Variants in NIP7 observed in about 807,000 individuals in gnomAD.
The protein encoded by NIP7 is 60S ribosome subunit biogenesis protein NIP7 homolog.
NIP7 carries 12 observed loss-of-function variants against 20.1 expected under a neutral mutation model. That is an observed-to-expected ratio of 0.60 (90% CI 0.38 to 0.97). The LOEUF (loss-of-function observed/expected upper bound fraction) is 0.97, where lower values mean the gene tolerates loss of function less well. Ranked by LOEUF, NIP7 falls within the 50% of genes least tolerant of loss-of-function variation. The pLI is 0.00. For missense variants in NIP7, 226 were observed against 226.6 expected (o/e 1.00, Z 0.02); for synonymous variants, 103 against 87.2 (o/e 1.18, Z -1.01).
Position 69,340,437 on chromosome 16 carries a change from G to A in NIP7, c.282+105G>A, listed in dbSNP as rs551720585. Reference sequence around the variant, plus strand: ...AGAGTCCCTGACAGTGTGCTTGGAGGAGTTTCAGCACATGGAGATGTGTAG... The same window carrying A: ...AGAGTCCCTGACAGTGTGCTTGGAGAAGTTTCAGCACATGGAGATGTGTAG... On this transcript the variant is annotated intron_variant, in intron 3 of 4. Coordinates refer to ENST00000254940, the MANE Select transcript of NIP7 (RefSeq NM_016101.5). The A allele has an allele frequency of 3.9e-5, 54 of 1,400,398 alleles. 1 individual carries two copies. The South Asian group carries it at 6.6e-4, about 17-fold the overall frequency. The allele number at this position is 1,400,398 out of a possible 1,614,324, so 86.7% of individuals were successfully genotyped here.
rs1261305390 is a variant in NIP7 at position 69,342,274 on chromosome 16, TAGAA to T, written c.*625_*628del. On this transcript the variant is annotated 3_prime_UTR_variant, in exon 5 of 5. Coordinates refer to ENST00000254940, the MANE Select transcript of NIP7 (RefSeq NM_016101.5). ...CAGCTTTGGCCATCTACCTGAGAAT[TAGAA>T]AGTCTGATTTTTGGAATTAGAAATC... 3.3e-5 allele frequency: 5 copies of T among 152,180 alleles called. No homozygotes were observed. Among genetic ancestry groups the T allele is most frequent in the Non-Finnish European group, 5.9e-5 (4 of 68,050 alleles). The allele number at this position is 152,180 out of a possible 1,614,324, so 9.4% of individuals were successfully genotyped here. A position where few individuals can be genotyped will look rare whatever the true frequency, so the allele number is the denominator to read the frequency against.
chr16:69,341,145 G>T (rs780790236), intron 3 of NIP7, 35 bp from the exon 4 acceptor site: 1 of 1,588,198 alleles, frequency 6.3e-7, no homozygotes, highest in Non-Finnish European at 8.6e-7. Flanking sequence ...AAATAGTAAC[G>T]TTTTTATGTC....
At chr16:69,341,393 C>A in intron 4 of NIP7, 73 bp downstream of exon 4, 1 of 1,573,090 alleles carries the variant, frequency 6.4e-7, no homozygotes, top group Non-Finnish European at 8.7e-7. Flanking sequence ...AATCTGAGTG[C>A]TTGAGAGAAT....
Position 69,341,698 on chromosome 16 carries a change from T to A in NIP7, c.*46T>A, listed in dbSNP as rs769019429. ...AGACGGCTGTATGGAAAGGCCGAGCTTTGTTTCCTGTGTTTGTGTGGACTC... is the reference window on the plus strand; with the variant it reads ...AGACGGCTGTATGGAAAGGCCGAGCATTGTTTCCTGTGTTTGTGTGGACTC... On this transcript the variant is annotated 3_prime_UTR_variant, in exon 5 of 5. Transcript: ENST00000254940. 6.2e-7 allele frequency: 1 copy of A among 1,609,194 alleles called. No homozygotes were observed. Among genetic ancestry groups the A allele is most frequent in the East Asian group, 2.2e-5 (1 of 44,822 alleles).
chr16:69,341,095 T>G lies in NIP7; in HGVS notation c.283-85T>G, dbSNP rs1361650322. On this transcript the variant is annotated intron_variant, in intron 3 of 4. Transcript: ENST00000254940. The stretch of plus-strand genomic sequence containing the variant: ...TTTCCCTTAAAATTATTTCAGAAAA[T>G]TATTCACAGATCCAGCAGCTAGCTT... The G allele has an allele frequency of 2.6e-6, 3 of 1,148,596 alleles. No individual in the cohort carries two copies. The African/African-American group carries it at 4.7e-5, about 18-fold the overall frequency. The allele number at this position is 1,148,596 out of a possible 1,614,324, so 71.2% of individuals were successfully genotyped here.
At position 69,340,099 on chromosome 16, in the gene NIP7, CG is replaced by C. The variant is rs745309017; in HGVS notation, c.143+11del. 2.5e-6 allele frequency: 4 copies of C among 1,613,188 alleles called. No homozygotes were observed. Among genetic ancestry groups the C allele is most frequent in the East Asian group, 2.2e-5 (1 of 44,886 alleles). ...ACCGGGTGTACTATGTGAGGTGAGG[CG>C]GGGCCGGGCAGGCAGCATGGACCCA... On this transcript the variant is annotated splice_region_variant and intron_variant, in intron 2 of 4. Transcript: ENST00000254940.
Position 69,342,963 on chromosome 16 carries a change from T to A in NIP7, c.*1311T>A, listed in dbSNP as rs1259009960. On this transcript the variant is annotated 3_prime_UTR_variant, in exon 5 of 5. Coordinates refer to ENST00000254940, the MANE Select transcript of NIP7 (RefSeq NM_016101.5). ...ACTTTAAGATCCTTAGAATATTTCT[T>A]TAAATATTTTATAGACAAAAAATTT... 6.5e-6 allele frequency: 1 copy of A among 154,188 alleles called. No individual in the cohort carries two copies. The highest frequency in any genetic ancestry group is 1.4e-5 in the Non-Finnish European group (1 of 69,430). The allele number at this position is 154,188 out of a possible 1,614,324, so 9.6% of individuals were successfully genotyped here. A position where few individuals can be genotyped will look rare whatever the true frequency, so the allele number is the denominator to read the frequency against.
In NIP7 at chr16:69,342,305, T is replaced by C. The variant is rs532075581; in HGVS notation, c.*653T>C. The C allele has an allele frequency of 6.6e-6, 1 of 152,288 alleles. No individual in the cohort carries two copies. Among genetic ancestry groups the C allele is most frequent in the South Asian group, 2.1e-4 (1 of 4,818 alleles). The allele number at this position is 152,288 out of a possible 1,614,324, so 9.4% of individuals were successfully genotyped here. A position where few individuals can be genotyped will look rare whatever the true frequency, so the allele number is the denominator to read the frequency against. On this transcript the variant is annotated 3_prime_UTR_variant, in exon 5 of 5. Transcript: ENST00000254940. ...GTCTGATTTTTGGAATTAGAAATCATGATTGTAGGCTGGGCACAGTGGCTC... is the reference window on the plus strand; with the variant it reads ...GTCTGATTTTTGGAATTAGAAATCACGATTGTAGGCTGGGCACAGTGGCTC...
chr16:69,343,083 A>C lies in NIP7; in HGVS notation c.*1431A>C, dbSNP rs1040344398. 6.2e-5 allele frequency: 13 copies of C among 211,154 alleles called. No individual in the cohort carries two copies. The highest frequency in any genetic ancestry group is 3.0e-4 in the African/African-American group (13 of 43,604). 13.1% of individuals were successfully genotyped at this position (211,154 alleles called of 1,614,324 possible). On this transcript the variant is annotated 3_prime_UTR_variant, in exon 5 of 5. Coordinates refer to ENST00000254940, the MANE Select transcript of NIP7 (RefSeq NM_016101.5). Reference sequence around the variant, plus strand: ...GTGAAGTCTTTAAGAATAAAACATTACCAACTCCTGCTTTTATATGTAAGC... The same window carrying C: ...GTGAAGTCTTTAAGAATAAAACATTCCCAACTCCTGCTTTTATATGTAAGC...
Position 69,341,320 on chromosome 16 carries a change from G to A in NIP7, c.423G>A (p.Leu141=). ...TGTACTCCATGGCAGACATCCCTTTGGTGAGTAGAGATGGTAGCTGTTACA... is the reference window on the plus strand; with the variant it reads ...TGTACTCCATGGCAGACATCCCTTTAGTGAGTAGAGATGGTAGCTGTTACA... ...VVVYSMADIP[L]GFGVAAKSTQ... is the part of the protein sequence containing the mutation. The change falls in exon 4 of 5, where the codon TTG becomes TTA. Residue 141 remains leucine, a splice_region_variant and synonymous_variant. Coordinates refer to ENST00000254940, the MANE Select transcript of NIP7 (RefSeq NM_016101.5). The A allele has an allele frequency of 6.2e-7, 1 of 1,613,726 alleles. No individual in the cohort carries two copies. Among genetic ancestry groups the A allele is most frequent in the Non-Finnish European group, 8.5e-7 (1 of 1,179,866 alleles).
At chr16:69,341,043 A>T (rs16958762) in intron 3 of NIP7, 137 bp from the exon 4 acceptor site, 2 of 737,036 alleles carry the variant, frequency 2.7e-6, no homozygotes, top group African/African-American at 1.8e-5. Flanking sequence ...GGAGATAGAC[A>T]GTTTGAGGAA....
rs145746516 is a variant in NIP7, at chr16:69,341,676, C to T, written c.*24C>T. 1.6e-4 allele frequency: 256 copies of T among 1,612,728 alleles called. No homozygotes were observed. The highest frequency in any genetic ancestry group is 3.3e-4 in the Middle Eastern group (2 of 6,050). ...AAAACGAAGCCATTCCAAGGACAGA[C>T]GGCTGTATGGAAAGGCCGAGCTTTG... On this transcript the variant is annotated 3_prime_UTR_variant, in exon 5 of 5. Coordinates refer to ENST00000254940, the MANE Select transcript of NIP7 (RefSeq NM_016101.5).
At position 69,341,181 on chromosome 16, in the gene NIP7, A is replaced by G. The variant is rs370838652; in HGVS notation, c.284A>G (p.Tyr95Cys). Residue 95 changes from tyrosine (Y) to cysteine (C), a missense_variant and splice_region_variant, in exon 4 of 5, where the codon TAT becomes TGT. Coordinates refer to ENST00000254940, the MANE Select transcript of NIP7 (RefSeq NM_016101.5). ...ALDYLAPYAK[Y>C]KVWIKPGAEQ... ...TCTTGGATTTTAATTCTCTTATAGT[A>G]TAAAGTTTGGATAAAGCCTGGTGCA... 3 of 1,613,186 alleles carry G rather than the reference A, an allele frequency of 1.9e-6. No homozygotes were observed. Among genetic ancestry groups the G allele is most frequent in the Middle Eastern group, 1.7e-4 (1 of 6,038 alleles).
intron 3 of NIP7, 163 bp from the exon 4 acceptor site, chr16:69,341,017 C>T (rs1314744499): frequency 4.6e-6 from 3 of 645,654 alleles, no homozygotes; most frequent in African/African-American, 1.8e-5. Flanking sequence ...CGGGCAACTT[C>T]CTGCATTTCT....
chr16:69,342,973 T>C lies in NIP7; in HGVS notation c.*1321T>C, dbSNP rs1597230338. On this transcript the variant is annotated 3_prime_UTR_variant, in exon 5 of 5. Transcript: ENST00000254940. ...CCTTAGAATATTTCTTTAAATATTT[T>C]ATAGACAAAAAATTTAAAGACTATC... 1 of 154,572 alleles carries C rather than the reference T, an allele frequency of 6.5e-6. No individual in the cohort carries two copies. Among genetic ancestry groups the C allele is most frequent in the East Asian group, 1.9e-4 (1 of 5,248 alleles). The allele number at this position is 154,572 out of a possible 1,614,324, so 9.6% of individuals were successfully genotyped here.
intron 4 of NIP7, 92 bp downstream of exon 4, chr16:69,341,412 A>G (rs2012547290): frequency 1.3e-6 from 2 of 1,571,622 alleles, no homozygotes; most frequent in Admixed American, 3.6e-5. Context: ...ATAAATTCTC[A>G]GCACGTTTTG....
chr16:69,342,751 T>C lies in NIP7; in HGVS notation c.*1099T>C, dbSNP rs2012594557. 3 of 152,196 alleles carry C rather than the reference T, an allele frequency of 2.0e-5. No individual in the cohort carries two copies. The highest frequency in any genetic ancestry group is 2.9e-5 in the Non-Finnish European group (2 of 68,044). 9.4% of individuals were successfully genotyped at this position (152,196 alleles called of 1,614,324 possible). On this transcript the variant is annotated 3_prime_UTR_variant, in exon 5 of 5. Coordinates refer to ENST00000254940, the MANE Select transcript of NIP7 (RefSeq NM_016101.5). ...TTTTATTACCTTCTTTTTTACAAGCTGTTTTCTCAGTATTTTTCTTGGATG... is the reference window on the plus strand; with the variant it reads ...TTTTATTACCTTCTTTTTTACAAGCCGTTTTCTCAGTATTTTTCTTGGATG...
chr16:69,340,786 G>A (rs538902360), intron 3 of NIP7: 24 of 221,702 alleles, frequency 1.1e-4, no homozygotes, highest in African/African-American at 4.9e-4. Context: ...GCAGTGGTGC[G>A]ATCTCACTGC....
In NIP7 at chr16:69,341,633, A is replaced by G. The variant is rs2012558342; in HGVS notation, c.524A>G (p.His175Arg). The G allele has an allele frequency of 1.2e-6, 2 of 1,614,244 alleles. No individual in the cohort carries two copies. The highest frequency in any genetic ancestry group is 1.7e-6 in the Non-Finnish European group (2 of 1,180,040). ...GCAGACATTGGGGAATATGTGCGGCATGAAGAGACGTTGACTTAAAACGAA... is the reference window on the plus strand; with the variant it reads ...GCAGACATTGGGGAATATGTGCGGCGTGAAGAGACGTTGACTTAAAACGAA... The part of the protein sequence containing the change: ...HQADIGEYVR[H>R]EETLT The change falls in exon 5 of 5, where the codon CAT becomes CGT. Residue 175 changes from histidine to arginine, a missense_variant. Physicochemically the swap from His to Arg is conservative, Grantham distance 29 (BLOSUM62 0). Coordinates refer to ENST00000254940, the MANE Select transcript of NIP7 (RefSeq NM_016101.5).
Sources: gnomAD v4.1 joint callset for allele counts on GRCh38, gnomAD v4.1.1 for gene constraint, MANE v1.5 for transcripts, NCBI Gene and HGNC (gene_info 2026-07-23, HGNC 2026-07-21) for gene names.